WARS1: variants seen among roughly 807,000 people sequenced by gnomAD.
WARS1 encodes tryptophan--tRNA ligase, cytoplasmic.
Under a neutral mutation model 47.8 loss-of-function variants are expected in WARS1, and 17 were observed. The ratio of observed to expected loss-of-function variants is 0.36; its 90% CI spans 0.24 to 0.53. The LOEUF (loss-of-function observed/expected upper bound fraction) is 0.53, where lower values mean the gene tolerates loss of function less well. Ranked by LOEUF, WARS1 falls within the 20% of genes least tolerant of loss-of-function variation. The probability of loss-of-function intolerance (pLI) is 0.91; values close to 1 mark genes in which losing one functional copy is unlikely to be tolerated. For synonymous variants in WARS1, 208 were observed against 228.1 expected, an observed-to-expected ratio of 0.91 and a Z score of 0.79; for missense variants, 434 against 608.0, an observed-to-expected ratio of 0.71 and a Z score of 3.01.
chr14:100,363,269 TAACCAATGTCC>T (rs374759617), intron 2 of WARS1, among the ~76,000 whole-genome samples: 25,519 of 151,956 alleles, frequency 0.17, 2,416 homozygotes, highest in Non-Finnish European at 0.22. Flanking sequence ...GTCAAACATT[TAACCAATGTCC>T]CTGCTCAAGG....
intron 6 of WARS1, among the ~76,000 whole-genome samples, chr14:100,351,284 T>C (rs534303066): frequency 6.6e-6 from 1 of 152,238 alleles, no homozygotes; most frequent in East Asian, 1.9e-4. Flanking sequence ...CCCACAGTTG[T>C]CTCTGCAGAG....
intron 2 of WARS1, 141 bp downstream of exon 2, chr14:100,368,946 A>G: frequency 2.2e-6 from 1 of 462,320 alleles, no homozygotes. Flanking sequence ...GGGAAACAAG[A>G]GTGAAATTCC....
At chr14:100,363,527 C>T (rs1271328703) in intron 2 of WARS1, among the ~76,000 whole-genome samples, 1 of 152,098 alleles carries the variant, frequency 6.6e-6, no homozygotes, top group African/African-American at 2.4e-5. Flanking sequence ...AAAACCCTGT[C>T]TCTACCAAAA....
At chr14:100,368,992 C>G in intron 2 of WARS1, 95 bp downstream of exon 2, 1 of 854,726 alleles carries the variant, frequency 1.2e-6, no homozygotes, top group East Asian at 3.2e-5. Context: ...CAAAACACCT[C>G]AGTCATTGAG....
At chr14:100,339,281 G>C (rs192923720) in intron 9 of WARS1, among the ~76,000 whole-genome samples, 1 of 151,948 alleles carries the variant, frequency 6.6e-6, no homozygotes, top group Non-Finnish European at 1.5e-5. Context: ...CAGCAGTCAC[G>C]CGAGAGGCTC....
chr14:100,353,928 C>T (rs761565685), intron 5 of WARS1, 59 bp from the exon 6 acceptor site: 10 of 1,504,200 alleles, frequency 6.6e-6, no homozygotes, highest in Middle Eastern at 2.3e-4. Context: ...GGAACGCCAT[C>T]GTGCATCTGA....
chr14:100,337,465 G>A (rs533152793), intron 9 of WARS1, among the ~76,000 whole-genome samples: 4 of 152,196 alleles, frequency 2.6e-5, no homozygotes, highest in Admixed American at 2.0e-4. Flanking sequence ...CCCCATCCTC[G>A]GAGACACAGG....
chr14:100,363,774 G>A (rs1365595952), intron 2 of WARS1, among the ~76,000 whole-genome samples: 1 of 152,088 alleles, frequency 6.6e-6, no homozygotes, highest in Non-Finnish European at 1.5e-5. Context: ...CTGCAGGTGT[G>A]TGCCACCATG....
chr14:100,340,708 A>C (rs1194788345), intron 9 of WARS1, among the ~76,000 whole-genome samples: 1 of 151,836 alleles, frequency 6.6e-6, no homozygotes, highest in East Asian at 1.9e-4. Context: ...GGAGATTCTG[A>C]TTTTGGAGCT....
At chr14:100,336,453 C>T (rs1204921358) in intron 10 of WARS1, among the ~76,000 whole-genome samples, 1 of 152,128 alleles carries the variant, frequency 6.6e-6, no homozygotes, top group African/African-American at 2.4e-5. Context: ...TAATAATCCA[C>T]CCTGTAACAA....
intron 6 of WARS1, 24 bp from the exon 7 acceptor site, chr14:100,346,870 T>C (rs1595424210): frequency 3.7e-6 from 6 of 1,600,878 alleles, no homozygotes; most frequent in Non-Finnish European, 4.3e-6. Flanking sequence ...GAGAATGAAA[T>C]CCCAAACGGA....
intron 7 of WARS1, 40 bp downstream of exon 7, chr14:100,346,706 G>T: frequency 6.8e-7 from 1 of 1,480,652 alleles, no homozygotes; most frequent in Non-Finnish European, 9.4e-7. Flanking sequence ...CCTTTTTGAA[G>T]GGTGCAGGGA....
At chr14:100,339,087 CAA>C (rs1469914714) in intron 9 of WARS1, among the ~76,000 whole-genome samples, 1 of 145,958 alleles carries the variant, frequency 6.9e-6, no homozygotes, top group Non-Finnish European at 1.5e-5. Context: ...GCCTGGGCAA[CAA>C]GAGTGAAACT....
rs1894450929 is a variant in WARS1 at position 100,344,879 on chromosome 14, CACCCG to C, written c.827-1497_827-1493del. Among the ~76,000 whole-genome samples, 6 of 148,948 alleles carry C rather than the reference CACCCG, an allele frequency of 4.0e-5. No individual in the cohort carries two copies. The East Asian group carries it at 6.2e-4, about 15-fold the overall frequency. ...CCGCCTGAGAAGTGAGGAGCCCCTCCACCCGGCAGCCACCCCGTCTGGGAAGTGAG... is the reference window on the plus strand; with the variant it reads ...CCGCCTGAGAAGTGAGGAGCCCCTCCGCAGCCACCCCGTCTGGGAAGTGAG... On this transcript the variant is annotated intron_variant, in intron 7 of 10. Transcript: ENST00000392882.
chr14:100,350,213 G>T (rs1410078564), intron 6 of WARS1, among the ~76,000 whole-genome samples: 1 of 151,762 alleles, frequency 6.6e-6, no homozygotes, highest in Non-Finnish European at 1.5e-5. Flanking sequence ...CCAACATGGT[G>T]AAACTCCGTT....
At chr14:100,348,578 G>T (rs960235290) in intron 6 of WARS1, among the ~76,000 whole-genome samples, 1 of 152,178 alleles carries the variant, frequency 6.6e-6, no homozygotes. Flanking sequence ...GGAAAGATGC[G>T]GCCTTTGTCC....
chr14:100,358,553 T>C (rs1021506112), intron 4 of WARS1, among the ~76,000 whole-genome samples: 1 of 152,158 alleles, frequency 6.6e-6, no homozygotes, highest in Non-Finnish European at 1.5e-5. Context: ...GAAACTGAAA[T>C]GTAAGAGCTA....
chr14:100,339,103 T>TCACACACACACA (rs528163285), intron 9 of WARS1, among the ~76,000 whole-genome samples: 52 of 145,298 alleles, frequency 3.6e-4, no homozygotes, highest in African/African-American at 1.3e-3. Flanking sequence ...TGAAACTCCA[T>TCACACACACACA]CACACACACA....
Position 100,343,382 on chromosome 14 carries a change from T to A in WARS1, c.832A>T (p.Ile278Phe). ...GFTDSDCIGK[I>F]SFPAIQAAPS... The stretch of plus-strand genomic sequence containing the variant: ...GCAGCCTGGATGGCAGGAAAACTGA[T>A]CTTCCCTGAAAATGAGAAAAAGTAT... Residue 278 changes from isoleucine to phenylalanine, a missense_variant, in exon 8 of 11, where the codon ATC becomes TTC. By Grantham distance (21) the Ile-to-Phe change is conservative (BLOSUM62 0). Transcript: ENST00000392882. 1 of 1,611,754 alleles carries A rather than the reference T, an allele frequency of 6.2e-7. No individual in the cohort carries two copies. Among genetic ancestry groups the A allele is most frequent in the Non-Finnish European group, 8.5e-7 (1 of 1,178,580 alleles).
Sources: gnomAD v4.1 joint callset for allele counts (sites outside exome capture counted in the v4.1 genomes callset) on GRCh38, gnomAD v4.1.1 for gene constraint, MANE v1.5 for transcripts, NCBI Gene and HGNC (gene_info 2026-07-23, HGNC 2026-07-21) for gene names.